FAM107A: variants seen among roughly 807,000 people sequenced by gnomAD.
FAM107A encodes actin-associated protein FAM107A.
In FAM107A, 19 loss-of-function variants were observed where a neutral mutation model predicts 13.7. The observed-to-expected ratio is 1.38, with a 90% CI of 0.97 to 2.03. The LOEUF is 2.03. Ranked by LOEUF, FAM107A falls within the 30% of genes most tolerant of loss-of-function variation. The pLI, the probability that FAM107A is intolerant of heterozygous loss-of-function variation, is 0.00. For synonymous variants in FAM107A, 82 were observed against 74.5 expected, an observed-to-expected ratio of 1.10 and a Z score of -0.52; for missense variants, 203 against 184.4, an observed-to-expected ratio of 1.10 and a Z score of -0.58.
rs1402034782 is a variant in FAM107A at position 58,586,902 on chromosome 3, GGCCCCCGGGCCCACTC to G, written c.19_34del (p.Glu7ProfsTer32). The G allele has an allele frequency of 1.3e-6, 2 of 1,532,830 alleles. No individual in the cohort carries two copies. The highest frequency in any genetic ancestry group is 8.7e-7 in the Non-Finnish European group (1 of 1,145,768). The allele number at this position is 1,532,830 out of a possible 1,614,324, so 95.0% of individuals were successfully genotyped here. A position where few individuals can be genotyped will look rare whatever the true frequency, so the allele number is the denominator to read the frequency against. ...CCGGTAGAGCCCGGTGGCATCGGAG[GGCCCCCGGGCCCACTC>G]GCCCAGCCTCTGCGCCATGCCCCCG... On this transcript the variant is annotated frameshift_variant, in exon 1 of 4. Coordinates refer to the FAM107A transcript ENST00000447756. LOFTEE classifies it high-confidence loss of function.
intron 1 of FAM107A, among the ~76,000 whole-genome samples, chr3:58,597,713 A>G (rs1056937176): frequency 6.6e-6 from 1 of 152,260 alleles, no homozygotes; most frequent in African/African-American, 2.4e-5. Flanking sequence ...ATATGGTCTC[A>G]TTTAAACCTC....
chr3:58,622,451 C>T (rs982803371), intron 1 of FAM107A, among the ~76,000 whole-genome samples: 8 of 60,640 alleles, frequency 1.3e-4, no homozygotes, highest in Non-Finnish European at 3.0e-4. Flanking sequence ...ACCCCTATGC[C>T]CCCCCCAAAA....
chr3:58,589,339 T>G, upstream of FAM107A: 1 of 1,001,086 alleles, frequency 1.0e-6, no homozygotes, highest in Non-Finnish European at 1.5e-6. Flanking sequence ...GGTGATATAT[T>G]CACAATGTAT....
rs1470259615 is a variant in FAM107A, at chr3:58,587,097, A to G, written c.-161T>C. On this transcript the variant is annotated 5_prime_UTR_variant, in exon 1 of 4. Coordinates refer to the FAM107A transcript ENST00000447756. ...GCGGCGGCCGGAGGGGCGGGCGAGGAGACGCCGCCGGGGGAAGGAGGGGGG... is the reference window on the plus strand; with the variant it reads ...GCGGCGGCCGGAGGGGCGGGCGAGGGGACGCCGCCGGGGGAAGGAGGGGGG... 3.6e-6 allele frequency: 5 copies of G among 1,370,120 alleles called. No homozygotes were observed. The African/African-American group carries it at 4.6e-5, about 13-fold the overall frequency. 84.9% of individuals were successfully genotyped at this position (1,370,120 alleles called of 1,614,324 possible).
At chr3:58,625,770 T>G (rs1250101719) in intron 1 of FAM107A, among the ~76,000 whole-genome samples, 2 of 152,216 alleles carry the variant, frequency 1.3e-5, no homozygotes, top group African/African-American at 4.8e-5. Context: ...CTGCAACCCT[T>G]TATGAGAAAT....
In FAM107A at chr3:58,617,846, T is replaced by C. The variant is rs1191465385; in HGVS notation, c.-70+9570A>G. On this transcript the variant is annotated intron_variant, in intron 1 of 3. Coordinates refer to the FAM107A transcript ENST00000465970. The surrounding 1 kb of genome is among the most constrained non-coding windows in gnomAD (Gnocchi z 4.5). ...GGCTTGACATGAACAGCTTCAGTCC[T>C]GATGCTTGAAAAACAAGATGAACAG... 6.6e-6 allele frequency among the ~76,000 whole-genome samples: 1 copy of C among 152,198 alleles called. No homozygotes were observed. The highest frequency in any genetic ancestry group is 1.5e-5 in the Non-Finnish European group (1 of 68,030).
At chr3:58,624,125 G>A (rs1285408475) in intron 1 of FAM107A, among the ~76,000 whole-genome samples, 1 of 152,214 alleles carries the variant, frequency 6.6e-6, no homozygotes, top group Non-Finnish European at 1.5e-5. Context: ...GCCTTGCTGT[G>A]TAATGCAAGG....
intron 1 of FAM107A, among the ~76,000 whole-genome samples, chr3:58,575,615 T>C (rs1314300494): frequency 2.0e-5 from 3 of 152,220 alleles, no homozygotes; most frequent in Non-Finnish European, 2.9e-5. Flanking sequence ...AGGTGCAAAA[T>C]GTCTTTTAGT....
chr3:58,611,744 C>T (rs898526919), intron 1 of FAM107A, among the ~76,000 whole-genome samples: 9 of 152,232 alleles, frequency 5.9e-5, no homozygotes, highest in Admixed American at 3.3e-4. Context: ...CACCTGACTT[C>T]TCTGAGCTGT....
At chr3:58,594,660 C>T (rs1186418639) in intron 1 of FAM107A, among the ~76,000 whole-genome samples, 1 of 152,236 alleles carries the variant, frequency 6.6e-6, no homozygotes, top group Admixed American at 6.5e-5. Context: ...GAACAGCTTC[C>T]TGGTCCCCTG....
intron 1 of FAM107A, among the ~76,000 whole-genome samples, chr3:58,601,575 G>A (rs1250519245): frequency 6.6e-6 from 1 of 152,180 alleles, no homozygotes; most frequent in Non-Finnish European, 1.5e-5. Flanking sequence ...CATATATTTT[G>A]CTGTTATGAG....
chr3:58,616,567 A>C (rs1030180395), intron 1 of FAM107A, among the ~76,000 whole-genome samples: 8 of 141,750 alleles, frequency 5.6e-5, no homozygotes, highest in Non-Finnish European at 1.1e-4. Flanking sequence ...ACACACACAC[A>C]CCACCACTAC....
rs371909507 is a variant in FAM107A, at chr3:58,570,583, C to CAGAGAGAGAGAGAG, written c.-5-732_-5-719dup. 2.7e-4 allele frequency among the ~76,000 whole-genome samples: 25 copies of CAGAGAGAGAGAGAG among 91,070 alleles called. 1 individual carries two copies. Among genetic ancestry groups the CAGAGAGAGAGAGAG allele is most frequent in the Non-Finnish European group, 3.9e-4 (17 of 43,472 alleles). The allele number at this position is 91,070 out of a possible 152,430, so 59.7% of individuals were successfully genotyped here. Reference sequence around the variant, plus strand: ...TTGAAATGCCCAAAAGCAAATACAGCAGAGAGAGAGAGAGAGAGAGAGAGA... The same window carrying CAGAGAGAGAGAGAG: ...TTGAAATGCCCAAAAGCAAATACAGCAGAGAGAGAGAGAGAGAGAGAGAGAGAGAGAGAGAGAGA... On this transcript the variant is annotated intron_variant, in intron 1 of 3. Coordinates refer to ENST00000360997, the MANE Select transcript of FAM107A (RefSeq NM_001076778.3).
chr3:58,566,724 T>C (rs1332306817), intron 3 of FAM107A, 29 bp from the exon 4 acceptor site: 4 of 1,545,376 alleles, frequency 2.6e-6, no homozygotes, highest in Non-Finnish European at 3.6e-6. Flanking sequence ...GAGAGTGAAG[T>C]GGGTGGAGCT....
At chr3:58,577,562 A>C (rs528455496), upstream of FAM107A, 5 of 985,474 alleles carry the variant, frequency 5.1e-6, no homozygotes, top group South Asian at 9.4e-5. The surrounding 1 kb of genome is among the most constrained non-coding windows in gnomAD (Gnocchi z 4.9). Context: ...CACGATGCGG[A>C]ACATCATGTC....
chr3:58,620,861 A>G (rs2065948266), intron 1 of FAM107A, among the ~76,000 whole-genome samples: 1 of 152,216 alleles, frequency 6.6e-6, no homozygotes, highest in African/African-American at 2.4e-5. Context: ...CTTGGAGAGC[A>G]GGAAAACTGT....
chr3:58,582,937 T>C (rs2065564608), intron 1 of FAM107A, among the ~76,000 whole-genome samples: 1 of 152,142 alleles, frequency 6.6e-6, no homozygotes, highest in African/African-American at 2.4e-5. Flanking sequence ...TAGCTGGCAT[T>C]ACAGGCACCT....
intron 1 of FAM107A, among the ~76,000 whole-genome samples, chr3:58,608,579 CCAA>C (rs1367190798): frequency 6.6e-6 from 1 of 152,212 alleles, no homozygotes; most frequent in African/African-American, 2.4e-5. Flanking sequence ...GAAGCTGGGG[CCAA>C]AGTCCCACAG....
At chr3:58,623,072 C>T (rs2065973648) in intron 1 of FAM107A, among the ~76,000 whole-genome samples, 1 of 152,140 alleles carries the variant, frequency 6.6e-6, no homozygotes, top group South Asian at 2.1e-4. Context: ...GCTTGGCGGC[C>T]CTGAGCACCA....
Sources: allele counts gnomAD v4.1 joint callset (sites outside exome capture counted in the v4.1 genomes callset), GRCh38; gene constraint gnomAD v4.1.1; non-coding constraint Gnocchi (gnomAD v3.1); transcripts MANE v1.5; gene names NCBI Gene and HGNC (gene_info 2026-07-23, HGNC 2026-07-21).